Variants in CAMSAP2 observed in about 807,000 individuals in gnomAD.
CAMSAP2 encodes calmodulin regulated spectrin associated protein family member 2.
CAMSAP2 carries 26 observed loss-of-function variants against 146.1 expected under a neutral mutation model. The observed-to-expected ratio is 0.18, with a 90% CI of 0.13 to 0.25. CAMSAP2 has a LOEUF of 0.25. Ranked by LOEUF, CAMSAP2 falls within the 10% of genes least tolerant of loss-of-function variation. The pLI, the probability that CAMSAP2 is intolerant of heterozygous loss-of-function variation, is 1.00. For synonymous variants in CAMSAP2, 499 were observed against 596.6 expected (o/e 0.84, Z 2.38); for missense variants, 1,381 against 1,759.3 (o/e 0.78, Z 3.85).
At chr1:200,831,127 C>T (rs187436983) in intron 4 of CAMSAP2, among the ~76,000 whole-genome samples, 432 of 152,094 alleles carry the variant, frequency 2.8e-3, no homozygotes, top group African/African-American at 9.4e-3. Context: ...AGTTTGATAA[C>T]CTTAAAAAAA....
intron 4 of CAMSAP2, among the ~76,000 whole-genome samples, chr1:200,823,203 C>T (rs1037798558): frequency 3.3e-5 from 5 of 152,168 alleles, no homozygotes; most frequent in African/African-American, 1.2e-4. Context: ...TTCTTCCACC[C>T]ATCTACCTGT....
chr1:200,843,607 A>C (rs1375540393), intron 7 of CAMSAP2, among the ~76,000 whole-genome samples: 1 of 152,192 alleles, frequency 6.6e-6, no homozygotes, highest in Non-Finnish European at 1.5e-5. Flanking sequence ...TCACTATTCA[A>C]AATACCAACA....
chr1:200,827,521 G>A (rs527324491), intron 4 of CAMSAP2, among the ~76,000 whole-genome samples: 21 of 152,244 alleles, frequency 1.4e-4, no homozygotes, highest in African/African-American at 5.1e-4. Context: ...TTAAATGGGA[G>A]ATTAAAATAC....
chr1:200,806,052 A>T (rs535520539), intron 2 of CAMSAP2, among the ~76,000 whole-genome samples: 5 of 152,178 alleles, frequency 3.3e-5, no homozygotes, highest in Non-Finnish European at 5.9e-5. Flanking sequence ...GACCTTTATA[A>T]ACATGTTATC....
Position 200,794,388 on chromosome 1 carries a change from A to G in CAMSAP2, c.400-12988A>G, listed in dbSNP as rs1571761815. Among the ~76,000 whole-genome samples the G allele has an allele frequency of 2.0e-5, 3 of 152,106 alleles. No individual in the cohort carries two copies. The South Asian group carries it at 6.2e-4, about 32-fold the overall frequency. On this transcript the variant is annotated intron_variant, in intron 2 of 16. Transcript: ENST00000358823. ...TCCAGACTCACTTTCTTCTTTCCCT[A>G]TCTCTGACCTGGAACCAGCTGTTTT...
At chr1:200,742,087 C>G (rs1449452892) in intron 1 of CAMSAP2, among the ~76,000 whole-genome samples, 1 of 152,168 alleles carries the variant, frequency 6.6e-6, no homozygotes, top group Non-Finnish European at 1.5e-5. Flanking sequence ...AGATACTGTT[C>G]TCATTTTGCA....
Position 200,842,565 on chromosome 1 carries a change from G to A in CAMSAP2, c.1021+478G>A, listed in dbSNP as rs189481628. 1.4e-4 allele frequency among the ~76,000 whole-genome samples: 22 copies of A among 152,224 alleles called. No homozygotes were observed. The East Asian group carries it at 3.1e-3, about 21-fold the overall frequency. On this transcript the variant is annotated intron_variant, in intron 7 of 16. Coordinates refer to ENST00000358823, the MANE Select transcript of CAMSAP2 (RefSeq NM_203459.4). ...TAAGAATAAAATTAGTAAGAAATAA[G>A]GGGGTTACTGTAAAGACCCCTAGAT...
chr1:200,763,843 A>G (rs1664866617), intron 2 of CAMSAP2, among the ~76,000 whole-genome samples: 1 of 152,142 alleles, frequency 6.6e-6, no homozygotes, highest in Non-Finnish European at 1.5e-5. Context: ...TAGGAGGCCA[A>G]GGAGGGTGGA....
rs1271845520 is a variant in CAMSAP2, at chr1:200,832,995, AG to A, written c.927+152del. 2 of 581,454 alleles carry A rather than the reference AG, an allele frequency of 3.4e-6. No individual in the cohort carries two copies. Among genetic ancestry groups the A allele is most frequent in the Non-Finnish European group, 5.4e-6 (2 of 370,942 alleles). The allele number at this position is 581,454 out of a possible 1,614,324, so 36.0% of individuals were successfully genotyped here. ...AGGATTGCTTAAGCCTGGGAGGTTGAGGCTTCAGTGAGCGATGATCGTGCCA... is the reference window on the plus strand; with the variant it reads ...AGGATTGCTTAAGCCTGGGAGGTTGAGCTTCAGTGAGCGATGATCGTGCCA... On this transcript the variant is annotated intron_variant, in intron 6 of 16. Coordinates refer to ENST00000358823, the MANE Select transcript of CAMSAP2 (RefSeq NM_203459.4). The surrounding 1 kb of genome is among the most constrained non-coding windows in gnomAD (Gnocchi z 4.2).
Position 200,785,084 on chromosome 1 carries a change from T to G in CAMSAP2, c.400-22292T>G, listed in dbSNP as rs544836604. Among the ~76,000 whole-genome samples, 3 of 152,346 alleles carry G rather than the reference T, an allele frequency of 2.0e-5. No homozygotes were observed. In the South Asian group the frequency reaches 6.2e-4, roughly 32 times the overall value. On this transcript the variant is annotated intron_variant, in intron 2 of 16. Transcript: ENST00000358823. Reference sequence around the variant, plus strand: ...GTTGATTTCAAATATTAAACTGGTCTTGAATTCCTGGAGTTAAACTCAGTT... The same window carrying G: ...GTTGATTTCAAATATTAAACTGGTCGTGAATTCCTGGAGTTAAACTCAGTT...
intron 6 of CAMSAP2, among the ~76,000 whole-genome samples, chr1:200,834,439 A>G (rs144473159): frequency 1.4e-3 from 215 of 152,266 alleles, no homozygotes; most frequent in African/African-American, 5.0e-3. Context: ...AAGTTTGAAA[A>G]TTAAGTTGTG....
At chr1:200,761,290 A>G (rs1664794010) in intron 2 of CAMSAP2, among the ~76,000 whole-genome samples, 192 bp downstream of exon 2, 1 of 152,224 alleles carries the variant, frequency 6.6e-6, no homozygotes, top group Non-Finnish European at 1.5e-5. Flanking sequence ...GTTTGGTGCC[A>G]TCTAATACCT....
At position 200,832,030 on chromosome 1, in the gene CAMSAP2, A is replaced by G. The variant is rs1667055921; in HGVS notation, c.646-170A>G. 2.2e-5 allele frequency: 12 copies of G among 554,198 alleles called. 1 individual carries two copies. In the South Asian group the frequency reaches 3.2e-4, roughly 15 times the overall value. The allele number at this position is 554,198 out of a possible 1,614,324, so 34.3% of individuals were successfully genotyped here. A position where few individuals can be genotyped will look rare whatever the true frequency, so the allele number is the denominator to read the frequency against. The stretch of plus-strand genomic sequence containing the variant: ...AAAACTATAGCTATTGTTGCCGTGT[A>G]TTTAACTTTGGTAATACCTAGCGTT... On this transcript the variant is annotated intron_variant, in intron 4 of 16. Transcript: ENST00000358823. This position sits in a 1 kb window ranked among gnomAD's most constrained non-coding sequence, Gnocchi z 4.2.
At chr1:200,818,175 A>G (rs993443027) in intron 4 of CAMSAP2, among the ~76,000 whole-genome samples, 12 of 152,200 alleles carry the variant, frequency 7.9e-5, no homozygotes, top group African/African-American at 2.4e-4. Flanking sequence ...TAATGGTTAA[A>G]TTCTGTAGTA....
chr1:200,739,751 C>G lies in CAMSAP2; in HGVS notation c.-77C>G. 6.8e-7 allele frequency: 1 copy of G among 1,467,838 alleles called. No homozygotes were observed. The highest frequency in any genetic ancestry group is 1.3e-5 in the South Asian group (1 of 77,362). 90.9% of individuals were successfully genotyped at this position (1,467,838 alleles called of 1,614,324 possible). ...GATGGTTTGAGCTTGCTTCTCCCTC[C>G]CTCCCGACCCCCGTGGTGGCGAGGC... On this transcript the variant is annotated 5_prime_UTR_variant, in exon 1 of 17. Transcript: ENST00000358823. This position sits in a 1 kb window ranked among gnomAD's most constrained non-coding sequence, Gnocchi z 4.8.
chr1:200,783,805 G>A (rs533012005), intron 2 of CAMSAP2, among the ~76,000 whole-genome samples: 3 of 152,184 alleles, frequency 2.0e-5, no homozygotes, highest in South Asian at 4.1e-4. Flanking sequence ...CATTTTCTTC[G>A]TGGTGTCTTT....
At position 200,739,295 on chromosome 1, in the gene CAMSAP2, G is replaced by T. The variant is rs1328105392; in HGVS notation, c.-533G>T. On this transcript the variant is annotated 5_prime_UTR_variant, in exon 1 of 17. Transcript: ENST00000358823. This position sits in a 1 kb window ranked among gnomAD's most constrained non-coding sequence, Gnocchi z 4.8. ...CCCGCGCTTCCCCCTCGTCCTGCTC[G>T]TCCCTCCGCCCACCCGGGGCCTGAG... Among the ~76,000 whole-genome samples, 1 of 152,132 alleles carries T rather than the reference G, an allele frequency of 6.6e-6. No homozygotes were observed. The highest frequency in any genetic ancestry group is 1.5e-5 in the Non-Finnish European group (1 of 67,996).
rs1394620596 is a variant in CAMSAP2, at chr1:200,798,857, A to G, written c.400-8519A>G. 4.0e-4 allele frequency among the ~76,000 whole-genome samples: 59 copies of G among 149,202 alleles called. No individual in the cohort carries two copies. In the Admixed American group the frequency reaches 4.0e-3, roughly 10 times the overall value. On this transcript the variant is annotated intron_variant, in intron 2 of 16. Coordinates refer to ENST00000358823, the MANE Select transcript of CAMSAP2 (RefSeq NM_203459.4). ...GATACATCCCATCAATACCTAATTT[A>G]TTGAGAGTTTTTAGCATGAAGCGTT... is the stretch of plus-strand genomic sequence containing the variant.
chr1:200,799,302 G>GTT (rs943996973), intron 2 of CAMSAP2, among the ~76,000 whole-genome samples: 11 of 146,614 alleles, frequency 7.5e-5, no homozygotes, highest in African/African-American at 2.5e-4. Context: ...TAGTCCTGGG[G>GTT]TTTTTTTTTT....
Sources: allele counts gnomAD v4.1 joint callset (sites outside exome capture counted in the v4.1 genomes callset), GRCh38; gene constraint gnomAD v4.1.1; non-coding constraint Gnocchi (gnomAD v3.1); transcripts MANE v1.5; gene names NCBI Gene and HGNC (gene_info 2026-07-23, HGNC 2026-07-21).